TLN2: variants seen among roughly 807,000 people sequenced by gnomAD.
TLN2 encodes talin-2.
A neutral mutation model predicts 294.7 loss-of-function variants in TLN2; 118 were observed. The observed-to-expected ratio is 0.40, with a 90% CI of 0.34 to 0.47. The LOEUF is 0.47. Ranked by LOEUF, TLN2 falls within the 20% of genes least tolerant of loss-of-function variation. The pLI is 0.84. For synonymous variants in TLN2, 1,431 were observed against 1,304.5 expected (o/e 1.10, Z -2.09); for missense variants, 3,083 against 3,282.2 (o/e 0.94, Z 1.48).
chr15:62,812,866 A>G (rs1256654901), intron 52 of TLN2, among the ~76,000 whole-genome samples: 1 of 152,240 alleles, frequency 6.6e-6, no homozygotes, highest in East Asian at 1.9e-4. Flanking sequence ...AGCTCTAGGA[A>G]CATTATAGAA....
chr15:62,693,795 TAAATC>T (rs1291563945), intron 13 of TLN2, among the ~76,000 whole-genome samples: 1 of 152,104 alleles, frequency 6.6e-6, no homozygotes, highest in African/African-American at 2.4e-5. Flanking sequence ...AACTATATAT[TAAATC>T]ATATATTTCT....
At chr15:62,391,665 G>T (rs1399808216) in intron 1 of TLN2, among the ~76,000 whole-genome samples, 1 of 152,158 alleles carries the variant, frequency 6.6e-6, no homozygotes, top group Non-Finnish European at 1.5e-5. Flanking sequence ...GCGCGGAGGC[G>T]GCCGCACAAG....
intron 44 of TLN2, among the ~76,000 whole-genome samples, chr15:62,781,518 GA>G (rs1242118770): frequency 6.6e-6 from 1 of 152,174 alleles, no homozygotes; most frequent in Non-Finnish European, 1.5e-5. Flanking sequence ...AGGAAGGAGA[GA>G]AAATGAAAAG....
At position 62,725,003 on chromosome 15, in the gene TLN2, A is replaced by G. The variant is rs773030137; in HGVS notation, c.3154A>G (p.Ile1052Val). 2.5e-6 allele frequency: 4 copies of G among 1,612,990 alleles called. No homozygotes were observed. The South Asian group carries it at 4.4e-5, about 18-fold the overall frequency. Residue 1052 changes from isoleucine (I) to valine (V), a missense_variant, in exon 27 of 59, where the codon ATC becomes GTC. Transcript: ENST00000636159. ...CCATGAAGCTTGTGGTCCGATGGAA[A>G]TCGATTCAGCTCTGAATACGGTGCA... ...KAHEACGPME[I>V]DSALNTVQTL...
At position 62,443,733 on chromosome 15, in the gene TLN2, G is replaced by A. The variant is rs78153686; in HGVS notation, c.-238+53048G>A. On this transcript the variant is annotated intron_variant, in intron 1 of 58. Coordinates refer to ENST00000636159, the MANE Select transcript of TLN2 (RefSeq NM_015059.3). ...AATGGGAGTCTGAGCCAGATGCAGT[G>A]GTTCATGCTTATAATCCCAGCACTT... 3.1e-3 allele frequency among the ~76,000 whole-genome samples: 466 copies of A among 152,308 alleles called. 6 individuals are homozygous for A. The highest frequency in any genetic ancestry group is 0.011 in the African/African-American group (442 of 41,564).
chr15:62,738,571 C>T (rs1465957749), intron 30 of TLN2, among the ~76,000 whole-genome samples: 4 of 152,262 alleles, frequency 2.6e-5, no homozygotes, highest in East Asian at 1.9e-4. Flanking sequence ...CGGATCGTCC[C>T]GGTGAGACAG....
intron 1 of TLN2, among the ~76,000 whole-genome samples, chr15:62,573,342 CT>C (rs1030106043): frequency 6.6e-6 from 1 of 152,124 alleles, no homozygotes; most frequent in African/African-American, 2.4e-5. Flanking sequence ...TTGTGCCCCC[CT>C]CTGCCCTCCC....
intron 45 of TLN2, 34 bp from the exon 46 acceptor site, chr15:62,792,607 C>G (rs1284961406): frequency 1.2e-6 from 2 of 1,606,960 alleles, no homozygotes; most frequent in African/African-American, 1.3e-5. Flanking sequence ...GTCCATCACG[C>G]TTCTCCTTCC....
chr15:62,695,314 G>T (rs1438326492), intron 14 of TLN2, among the ~76,000 whole-genome samples: 2 of 152,100 alleles, frequency 1.3e-5, no homozygotes, highest in Non-Finnish European at 2.9e-5. Context: ...CTCAGCCAAG[G>T]AGCAACGCAG....
chr15:62,699,982 C>T (rs571421014), intron 16 of TLN2, among the ~76,000 whole-genome samples: 2 of 152,278 alleles, frequency 1.3e-5, no homozygotes, highest in South Asian at 2.1e-4. Flanking sequence ...TCTGTAGCCT[C>T]ATCTTGTCCT....
intron 2 of TLN2, among the ~76,000 whole-genome samples, chr15:62,613,149 A>G (rs906294074): frequency 6.6e-6 from 1 of 152,180 alleles, no homozygotes; most frequent in African/African-American, 2.4e-5. Context: ...TGATGGTTCA[A>G]TTTTAGTATC....
intron 28 of TLN2, among the ~76,000 whole-genome samples, chr15:62,727,906 AGT>A (rs1273406261): frequency 6.6e-6 from 1 of 152,246 alleles, no homozygotes; most frequent in East Asian, 1.9e-4. Context: ...AGAGGGGAGG[AGT>A]GGGTTATGGA....
In TLN2 at chr15:62,843,178, C is replaced by T. The variant is rs1235878755; in HGVS notation, c.*2568C>T. 1 of 152,104 alleles carries T rather than the reference C, an allele frequency of 6.6e-6. No homozygotes were observed. The highest frequency in any genetic ancestry group is 2.4e-5 in the African/African-American group (1 of 41,396). 9.4% of individuals were successfully genotyped at this position (152,104 alleles called of 1,614,324 possible). ...AAGTGTATCTCTGTGAAGAGAGAGC[C>T]GGTGTGTTGACATGTGGTTCTTCTC... On this transcript the variant is annotated 3_prime_UTR_variant, in exon 59 of 59. Transcript: ENST00000636159.
At chr15:62,590,877 T>G (rs4555101) in intron 2 of TLN2, among the ~76,000 whole-genome samples, 15,127 of 152,168 alleles carry the variant, frequency 0.099, 943 homozygotes, top group East Asian at 0.19. Context: ...TTAATCTTTG[T>G]TTCCTTCTCT....
At chr15:62,499,748 C>T (rs1267818133) in intron 1 of TLN2, among the ~76,000 whole-genome samples, 1 of 151,982 alleles carries the variant, frequency 6.6e-6, no homozygotes, top group Non-Finnish European at 1.5e-5. Context: ...AGATTACAGG[C>T]ATGTTCCACC....
chr15:62,636,038 G>A (rs538387192), intron 3 of TLN2, among the ~76,000 whole-genome samples: 55 of 152,232 alleles, frequency 3.6e-4, no homozygotes, highest in Middle Eastern at 3.4e-3. Context: ...AGGATTCAGT[G>A]CCTTAACATA....
At chr15:62,578,527 C>T (rs574012412) in intron 1 of TLN2, among the ~76,000 whole-genome samples, 1 of 152,282 alleles carries the variant, frequency 6.6e-6, no homozygotes, top group East Asian at 1.9e-4. Flanking sequence ...GATTGCGCCA[C>T]TGCACCCCAG....
chr15:62,558,753 G>A (rs1725029789), intron 1 of TLN2, among the ~76,000 whole-genome samples: 1 of 152,072 alleles, frequency 6.6e-6, no homozygotes, highest in African/African-American at 2.4e-5. Context: ...GCAGGTTGGG[G>A]GAAGATAAGT....
At chr15:62,707,274 G>A in intron 20 of TLN2, 21 bp downstream of exon 20, 1 of 1,597,400 alleles carries the variant, frequency 6.3e-7, no homozygotes, top group South Asian at 1.1e-5. Flanking sequence ...TGGCACCCCA[G>A]CCCTTTCTAC....
Sources: gnomAD v4.1 joint callset for allele counts (sites outside exome capture counted in the v4.1 genomes callset) on GRCh38, gnomAD v4.1.1 for gene constraint, MANE v1.5 for transcripts, NCBI Gene and HGNC (gene_info 2026-07-23, HGNC 2026-07-21) for gene names.